Variants in ADGRL3 observed in about 807,000 individuals in gnomAD.
ADGRL3 encodes adhesion G protein-coupled receptor L3.
Under a neutral mutation model 153.5 loss-of-function variants are expected in ADGRL3, and 62 were observed. The observed-to-expected ratio is 0.40, with a 90% CI of 0.33 to 0.50. The LOEUF is 0.50. Ranked by LOEUF, ADGRL3 falls within the 20% of genes least tolerant of loss-of-function variation. The pLI is 0.47. For missense variants in ADGRL3, 1,641 were observed against 1,859.4 expected (o/e 0.88, Z 2.16); for synonymous variants, 710 against 672.5 (o/e 1.06, Z -0.86).
chr4:61,968,354 T>C (rs947131031), intron 17 of ADGRL3, among the ~76,000 whole-genome samples: 6 of 152,172 alleles, frequency 3.9e-5, no homozygotes, highest in African/African-American at 1.4e-4. Context: ...GTTCACCTTT[T>C]TCTAGGTTTC....
intron 4 of ADGRL3, among the ~76,000 whole-genome samples, chr4:61,559,990 AC>A (rs1348332270): frequency 1.3e-5 from 2 of 151,996 alleles, no homozygotes; most frequent in East Asian, 3.9e-4. Flanking sequence ...ACCATCCCCC[AC>A]ATATTCACAT....
At chr4:61,414,611 T>C in intron 2 of ADGRL3, among the ~76,000 whole-genome samples, 1 of 152,034 alleles carries the variant, frequency 6.6e-6, no homozygotes, top group East Asian at 1.9e-4. Flanking sequence ...CATTGAGTGG[T>C]TTTGCGGTTA....
chr4:61,976,456 T>C (rs773177652), intron 17 of ADGRL3, among the ~76,000 whole-genome samples: 9 of 152,162 alleles, frequency 5.9e-5, no homozygotes, highest in Non-Finnish European at 1.2e-4. Flanking sequence ...AATCCAAGTA[T>C]CACCTTGAAT....
intron 17 of ADGRL3, among the ~76,000 whole-genome samples, chr4:61,957,925 T>TA (rs1280671243): frequency 1.3e-5 from 2 of 152,032 alleles, no homozygotes; most frequent in Non-Finnish European, 2.9e-5. Flanking sequence ...TTGCTTTCTA[T>TA]AAAAAAAGTA....
intron 9 of ADGRL3, among the ~76,000 whole-genome samples, chr4:61,844,152 G>GT (rs1164684216): frequency 1.3e-5 from 2 of 151,526 alleles, no homozygotes; most frequent in Admixed American, 6.6e-5. Flanking sequence ...CTTCCTATTT[G>GT]TTTTTTTCTT....
At chr4:61,777,115 ATGAGG>A (rs2097160616) in intron 8 of ADGRL3, among the ~76,000 whole-genome samples, 1 of 152,126 alleles carries the variant, frequency 6.6e-6, no homozygotes, top group Non-Finnish European at 1.5e-5. Flanking sequence ...TGGGTGGATC[ATGAGG>A]TGAGGAGATC....
intron 4 of ADGRL3, among the ~76,000 whole-genome samples, chr4:61,543,054 A>G (rs1278264307): frequency 6.6e-6 from 1 of 151,958 alleles, no homozygotes; most frequent in African/African-American, 2.4e-5. Flanking sequence ...GTGGCACACT[A>G]TTATCGTTCT....
intron 17 of ADGRL3, among the ~76,000 whole-genome samples, chr4:61,966,987 C>T (rs2099009251): frequency 6.6e-6 from 1 of 151,946 alleles, no homozygotes; most frequent in South Asian, 2.1e-4. Context: ...GTTAGGGTGA[C>T]CAAGTTTTTA....
intron 25 of ADGRL3, chr4:62,063,719 G>A: frequency 3.8e-6 from 2 of 521,264 alleles, no homozygotes; most frequent in Non-Finnish European, 7.0e-6. Flanking sequence ...TCTTTCTCCT[G>A]CCTTTCTTTG....
intron 15 of ADGRL3, among the ~76,000 whole-genome samples, chr4:61,940,190 T>A (rs2098880007): frequency 1.2e-5 from 1 of 81,432 alleles, no homozygotes; most frequent in African/African-American, 4.8e-5. Context: ...GTTTGGTTTT[T>A]TGTTCTTGCG....
At chr4:61,596,471 A>G (rs2098989552) in intron 5 of ADGRL3, among the ~76,000 whole-genome samples, 2 of 152,104 alleles carry the variant, frequency 1.3e-5, no homozygotes, top group African/African-American at 2.4e-5. Flanking sequence ...ACTTAAGTTT[A>G]TTATTGTGTA....
At chr4:61,853,002 T>TGTTG (rs199790204) in intron 9 of ADGRL3, among the ~76,000 whole-genome samples, 1 of 152,066 alleles carries the variant, frequency 6.6e-6, no homozygotes, top group African/African-American at 2.4e-5. Context: ...GCTTGTTTTT[T>TGTTG]GTTGGTTGGT....
At chr4:61,756,571 A>G (rs13117382) in intron 8 of ADGRL3, among the ~76,000 whole-genome samples, 2 of 152,160 alleles carry the variant, frequency 1.3e-5, no homozygotes, top group Non-Finnish European at 2.9e-5. Context: ...GTAAACAGGG[A>G]CAATTTCACT....
intron 1 of ADGRL3, among the ~76,000 whole-genome samples, chr4:61,294,897 ACACACT>A (rs138226970): frequency 0.34 from 15,053 of 44,084 alleles, 924 homozygotes; most frequent in Admixed American, 0.44. Flanking sequence ...ACACACACAC[ACACACT>A]CACACACACA....
At chr4:61,440,403 A>G (rs1161803056) in intron 2 of ADGRL3, among the ~76,000 whole-genome samples, 1 of 152,200 alleles carries the variant, frequency 6.6e-6, no homozygotes, top group Non-Finnish European at 1.5e-5. Context: ...TTTTTGCTCC[A>G]TAATTCGTTT....
intron 6 of ADGRL3, among the ~76,000 whole-genome samples, chr4:61,696,832 C>T (rs1434400456): frequency 4.6e-5 from 7 of 151,904 alleles, no homozygotes; most frequent in East Asian, 1.9e-4. Flanking sequence ...CCTGCCACCA[C>T]GTCCAGCTAA....
At chr4:61,725,143 A>G (rs936081793) in intron 6 of ADGRL3, among the ~76,000 whole-genome samples, 3 of 152,206 alleles carry the variant, frequency 2.0e-5, no homozygotes, top group African/African-American at 7.2e-5. Context: ...TAGATGAGTA[A>G]GATGAATTTT....
At chr4:61,968,425 C>T (rs1296651679) in intron 17 of ADGRL3, among the ~76,000 whole-genome samples, 1 of 152,122 alleles carries the variant, frequency 6.6e-6, no homozygotes, top group Non-Finnish European at 1.5e-5. Flanking sequence ...ATTTCTGTCT[C>T]ATGGAAATCT....
intron 8 of ADGRL3, among the ~76,000 whole-genome samples, chr4:61,755,471 T>A (rs1395004093): frequency 6.6e-6 from 1 of 152,146 alleles, no homozygotes; most frequent in Non-Finnish European, 1.5e-5. Context: ...GGGTTGTTTG[T>A]TTTTTTCTTG....
Sources: allele counts gnomAD v4.1 joint callset (sites outside exome capture counted in the v4.1 genomes callset), GRCh38; gene constraint gnomAD v4.1.1; transcripts MANE v1.5; gene names NCBI Gene and HGNC (gene_info 2026-07-23, HGNC 2026-07-21).